The following NXPE4 variants were observed in gnomAD, a reference collection of about 807,000 sequenced individuals.
The protein encoded by NXPE4 is NXPE family member 4.
NXPE4 carries 42 observed loss-of-function variants against 33.3 expected under a neutral mutation model. The observed-to-expected ratio is 1.26, with a 90% CI of 0.98 to 1.63. The LOEUF (loss-of-function observed/expected upper bound fraction) is 1.63, where lower values mean the gene tolerates loss of function less well. Ranked by LOEUF, NXPE4 falls within the 40% of genes most tolerant of loss-of-function variation. The pLI is 0.00. For missense variants in NXPE4, 709 were observed against 647.6 expected, an observed-to-expected ratio of 1.09 and a Z score of -1.03; for synonymous variants, 253 against 234.9, an observed-to-expected ratio of 1.08 and a Z score of -0.71.
the NXPE4 span, among the ~76,000 whole-genome samples, chr11:114,603,585 C>A: frequency 2.0e-5 from 3 of 151,184 alleles, no homozygotes; most frequent in Non-Finnish European, 3.0e-5. Context: ...TCCTAGGTAA[C>A]TCCTATTACC....
chr11:114,594,470 G>A (rs1949532904), intron 2 of NXPE4, among the ~76,000 whole-genome samples, 194 bp downstream of exon 2: 1 of 152,164 alleles, frequency 6.6e-6, no homozygotes. Context: ...GAAAGAATGT[G>A]TATGTGTGAA....
the NXPE4 span, among the ~76,000 whole-genome samples, chr11:114,622,998 G>A: frequency 6.6e-6 from 1 of 152,054 alleles, no homozygotes; most frequent in Non-Finnish European, 1.5e-5. Context: ...CGGTTACCTG[G>A]TGGATAATAA....
chr11:114,639,109 G>C, the NXPE4 span, among the ~76,000 whole-genome samples: 2 of 152,162 alleles, frequency 1.3e-5, no homozygotes, highest in African/African-American at 4.8e-5. Flanking sequence ...TTGAGCTGTG[G>C]TGGGCTCCAC....
chr11:114,629,577 A>G, the NXPE4 span, among the ~76,000 whole-genome samples: 1 of 151,958 alleles, frequency 6.6e-6, no homozygotes, highest in Non-Finnish European at 1.5e-5. Flanking sequence ...TTGAATGGGC[A>G]AAAACTGGAA....
intron 2 of NXPE4, among the ~76,000 whole-genome samples, chr11:114,586,733 G>A (rs796755960): frequency 2.8e-4 from 42 of 152,268 alleles, no homozygotes; most frequent in African/African-American, 9.1e-4. Flanking sequence ...AGCCTGATGG[G>A]TGATGGCAAC....
chr11:114,667,892 A>T, the NXPE4 span, among the ~76,000 whole-genome samples: 1 of 152,074 alleles, frequency 6.6e-6, no homozygotes, highest in Non-Finnish European at 1.5e-5. Flanking sequence ...TGCACAAACT[A>T]TGAGATAATA....
chr11:114,608,456 G>A, the NXPE4 span, among the ~76,000 whole-genome samples: 5 of 151,758 alleles, frequency 3.3e-5, no homozygotes, highest in Admixed American at 1.3e-4. Flanking sequence ...GTTACTCAGA[G>A]GATAGTAAGT....
At chr11:114,660,683 C>T in the NXPE4 span, among the ~76,000 whole-genome samples, 2 of 151,926 alleles carry the variant, frequency 1.3e-5, no homozygotes, top group African/African-American at 4.8e-5. Flanking sequence ...GAATGCTTTG[C>T]CCCAAGATAA....
At chr11:114,577,060 T>TATATATATATAAAGTTATATATATAC (rs1380333477) in intron 5 of NXPE4, among the ~76,000 whole-genome samples, 11 of 48,374 alleles carry the variant, frequency 2.3e-4, no homozygotes, top group Admixed American at 1.3e-3. Flanking sequence ...TATATATACA[T>TATATATATATAAAGTTATATATATAC]ATATATATAT....
chr11:114,671,094 T>C, the NXPE4 span, among the ~76,000 whole-genome samples: 1 of 147,976 alleles, frequency 6.8e-6, no homozygotes, highest in Non-Finnish European at 1.5e-5. Context: ...TATAAATATA[T>C]ATAAACAAAA....
chr11:114,671,718 G>C, the NXPE4 span, among the ~76,000 whole-genome samples: 1 of 151,892 alleles, frequency 6.6e-6, no homozygotes, highest in Non-Finnish European at 1.5e-5. Flanking sequence ...AAGTGAAGAG[G>C]AAAAAGAGAA....
At chr11:114,599,763 A>G (rs1949616805), upstream of NXPE4, among the ~76,000 whole-genome samples, 1 of 152,124 alleles carries the variant, frequency 6.6e-6, no homozygotes, top group Non-Finnish European at 1.5e-5. Flanking sequence ...CTCACTATAC[A>G]GTACCAGTGG....
chr11:114,574,185 T>C (rs1298058185), intron 5 of NXPE4, among the ~76,000 whole-genome samples: 1 of 152,018 alleles, frequency 6.6e-6, no homozygotes, highest in African/African-American at 2.4e-5. Context: ...ATACAAGCTA[T>C]CAAAACCTCT....
the NXPE4 span, among the ~76,000 whole-genome samples, chr11:114,663,682 CTA>C: frequency 8.2e-4 from 107 of 130,486 alleles, no homozygotes; most frequent in African/African-American, 3.3e-3. Context: ...ATCTATTTAT[CTA>C]TCTATCTATC....
At chr11:114,668,197 G>A in the NXPE4 span, among the ~76,000 whole-genome samples, 1 of 152,006 alleles carries the variant, frequency 6.6e-6, no homozygotes, top group Admixed American at 6.6e-5. Flanking sequence ...CTGTGGCTGG[G>A]ACTCTGCAAA....
chr11:114,663,694 C>T, the NXPE4 span, among the ~76,000 whole-genome samples: 6 of 151,000 alleles, frequency 4.0e-5, no homozygotes, highest in Non-Finnish European at 7.4e-5. Context: ...ATCTATCTAT[C>T]TATCTATCTA....
chr11:114,645,516 A>C, the NXPE4 span, among the ~76,000 whole-genome samples: 1 of 152,174 alleles, frequency 6.6e-6, no homozygotes, highest in Non-Finnish European at 1.5e-5. Flanking sequence ...ATGATAGAAG[A>C]AAATGTTGAT....
At chr11:114,634,611 T>A in the NXPE4 span, among the ~76,000 whole-genome samples, 9 of 152,198 alleles carry the variant, frequency 5.9e-5, no homozygotes, top group East Asian at 1.7e-3. Context: ...AACATTTAAG[T>A]CTTTAATACA....
chr11:114,579,607 T>C (rs953000148), intron 5 of NXPE4, among the ~76,000 whole-genome samples: 2 of 152,340 alleles, frequency 1.3e-5, no homozygotes, highest in South Asian at 2.1e-4. Flanking sequence ...AGAGAAGTTA[T>C]GTAAGAAACA....
Sources: gnomAD v4.1 joint callset for allele counts (sites outside exome capture counted in the v4.1 genomes callset) on GRCh38, gnomAD v4.1.1 for gene constraint, MANE v1.5 for transcripts, NCBI Gene and HGNC (gene_info 2026-07-23, HGNC 2026-07-21) for gene names.